The following LEKR1 variants were observed in gnomAD, a reference collection of about 807,000 sequenced individuals.
LEKR1 encodes leucine, glutamate and lysine rich 1.
LEKR1 carries 59 observed loss-of-function variants against 72.4 expected under a neutral mutation model. The ratio of observed to expected loss-of-function variants is 0.82; its 90% CI spans 0.66 to 1.01. LEKR1 has a LOEUF of 1.01. LEKR1 is among the 50% of genes least tolerant of loss of function. LEKR1 has a pLI of 0.00. For synonymous variants in LEKR1, 257 were observed against 263.2 expected (o/e 0.98, Z 0.23); for missense variants, 728 against 759.2 (o/e 0.96, Z 0.48).
At position 156,945,125 on chromosome 3, in the gene LEKR1, T is replaced by G. The variant is rs147082950; in HGVS notation, c.745+2411T>G. Among the ~76,000 whole-genome samples the G allele has an allele frequency of 3.9e-3, 592 of 152,018 alleles. 2 individuals carry two copies. Among genetic ancestry groups the G allele is most frequent in the African/African-American group, 0.014 (578 of 41,538 alleles). On this transcript the variant is annotated intron_variant, in intron 6 of 12. Coordinates refer to ENST00000356539, the MANE Select transcript of LEKR1 (RefSeq NM_001004316.3). Reference sequence around the variant, plus strand: ...AAAAACCATTTTAACTGAGGTGAGATTATATCTCAGTATAGTTTTGATTTG... The same window carrying G: ...AAAAACCATTTTAACTGAGGTGAGAGTATATCTCAGTATAGTTTTGATTTG...
intron 6 of LEKR1, among the ~76,000 whole-genome samples, chr3:156,964,488 A>G (rs935102013): frequency 3.3e-5 from 5 of 152,110 alleles, no homozygotes; most frequent in Non-Finnish European, 7.3e-5. Flanking sequence ...ACTGTAAAAC[A>G]TATTTGTGTT....
chr3:156,952,534 T>C (rs527291392), intron 6 of LEKR1, among the ~76,000 whole-genome samples: 1 of 151,408 alleles, frequency 6.6e-6, no homozygotes, highest in Non-Finnish European at 1.5e-5. Flanking sequence ...GGTAGTGATT[T>C]TCATGTATCA....
chr3:156,832,014 T>A (rs1395756774), intron 2 of LEKR1, among the ~76,000 whole-genome samples: 1 of 152,228 alleles, frequency 6.6e-6, no homozygotes, highest in Non-Finnish European at 1.5e-5. Flanking sequence ...CCACTGTAAC[T>A]TCTTCCTGCT....
At chr3:156,990,184 AT>A (rs1321545602) in intron 7 of LEKR1, among the ~76,000 whole-genome samples, 1 of 152,172 alleles carries the variant, frequency 6.6e-6, no homozygotes. Flanking sequence ...AAAATTCTTC[AT>A]TTTTATTGGT....
intron 7 of LEKR1, among the ~76,000 whole-genome samples, chr3:156,980,895 G>C (rs1730141367): frequency 6.6e-6 from 1 of 152,170 alleles, no homozygotes. Flanking sequence ...AGAATAAGTT[G>C]GCACAGAATT....
chr3:156,986,657 TC>T, intron 7 of LEKR1, among the ~76,000 whole-genome samples: 1 of 152,270 alleles, frequency 6.6e-6, no homozygotes, highest in South Asian at 2.1e-4. Context: ...GGGGTTCAAA[TC>T]CCAGCACTAC....
intron 3 of LEKR1, among the ~76,000 whole-genome samples, chr3:156,898,634 G>A (rs954132986): frequency 2.0e-5 from 3 of 152,006 alleles, no homozygotes; most frequent in African/African-American, 7.3e-5. Context: ...GGACTAAGGT[G>A]CATAATAAAA....
chr3:157,034,607 A>C (rs1026530951), intron 12 of LEKR1, among the ~76,000 whole-genome samples: 1 of 152,206 alleles, frequency 6.6e-6, no homozygotes, highest in Non-Finnish European at 1.5e-5. Flanking sequence ...TGCTGCAAAA[A>C]ATATTGAAAT....
intron 5 of LEKR1, among the ~76,000 whole-genome samples, chr3:156,936,529 C>G (rs1343333245): frequency 2.6e-5 from 4 of 151,376 alleles, no homozygotes; most frequent in African/African-American, 9.7e-5. Flanking sequence ...CTTTTTTATT[C>G]TAAAGTCTAT....
chr3:156,957,414 T>A (rs912871652), intron 6 of LEKR1, among the ~76,000 whole-genome samples: 1 of 151,866 alleles, frequency 6.6e-6, no homozygotes, highest in Non-Finnish European at 1.5e-5. Context: ...AAGGAGTAAT[T>A]TTTTTTCTCT....
chr3:156,995,394 C>T (rs966977288), intron 9 of LEKR1, among the ~76,000 whole-genome samples: 1 of 152,164 alleles, frequency 6.6e-6, no homozygotes, highest in African/African-American at 2.4e-5. Flanking sequence ...GACCTAACTC[C>T]TATTCTTCTT....
chr3:156,844,887 T>C (rs1714389026), intron 2 of LEKR1, among the ~76,000 whole-genome samples: 1 of 147,808 alleles, frequency 6.8e-6, no homozygotes, highest in Non-Finnish European at 1.5e-5. Flanking sequence ...TCAATTGCTA[T>C]GTTATATAGT....
At chr3:156,852,065 G>A (rs1294386770) in intron 2 of LEKR1, 1 of 152,130 alleles carries the variant, frequency 6.6e-6, no homozygotes, top group Non-Finnish European at 1.5e-5. Flanking sequence ...ATATAATACA[G>A]ATGGTTAAAG....
At chr3:156,860,935 G>A (rs905889374) in intron 3 of LEKR1, among the ~76,000 whole-genome samples, 7 of 152,052 alleles carry the variant, frequency 4.6e-5, no homozygotes, top group Admixed American at 2.6e-4. Context: ...TTAATTTCTA[G>A]GCAGGAATAT....
chr3:156,852,417 T>C (rs993209807), intron 2 of LEKR1, among the ~76,000 whole-genome samples: 1 of 152,184 alleles, frequency 6.6e-6, no homozygotes. Flanking sequence ...AACAGTGATT[T>C]CCTCCCACTT....
At chr3:157,008,345 T>C (rs1732626578) in intron 9 of LEKR1, among the ~76,000 whole-genome samples, 1 of 152,198 alleles carries the variant, frequency 6.6e-6, no homozygotes, top group Non-Finnish European at 1.5e-5. Context: ...TTCAATTCTC[T>C]TTCTTCCACA....
At chr3:156,913,480 G>A (rs1723305981) in intron 3 of LEKR1, among the ~76,000 whole-genome samples, 1 of 152,058 alleles carries the variant, frequency 6.6e-6, no homozygotes, top group African/African-American at 2.4e-5. Flanking sequence ...TTTTAAAGGT[G>A]TATTTAGGCT....
rs1443363948 is a variant in LEKR1, at chr3:156,852,881, T to C, written c.162T>C (p.Tyr54=). 7.2e-6 allele frequency: 11 copies of C among 1,534,884 alleles called. No individual in the cohort carries two copies. Among genetic ancestry groups the C allele is most frequent in the Non-Finnish European group, 9.6e-6 (11 of 1,145,158 alleles). The stretch of plus-strand genomic sequence containing the variant: ...CAATGGAAAAAGAGATGAAATTTTA[T>C]CAAGGAAGTGTAGATCGTGAAAAGA... ...VKAMEKEMKF[Y]QGSVDREKRL... The change falls in exon 3 of 13, where the codon TAT becomes TAC. Residue 54 remains tyrosine (Y), a synonymous_variant. Coordinates refer to ENST00000356539, the MANE Select transcript of LEKR1 (RefSeq NM_001004316.3).
In LEKR1 at chr3:156,837,774, C is replaced by G. The variant is rs1162155681; in HGVS notation, c.48+8397C>G. On this transcript the variant is annotated intron_variant, in intron 2 of 12. Coordinates refer to ENST00000356539, the MANE Select transcript of LEKR1 (RefSeq NM_001004316.3). ...GACAGTGATTTTTACCATCAGTTTGCGCAGAAAGGGGCCAGAAGCCTGGCT... is the reference window on the plus strand; with the variant it reads ...GACAGTGATTTTTACCATCAGTTTGGGCAGAAAGGGGCCAGAAGCCTGGCT... 2.0e-5 allele frequency among the ~76,000 whole-genome samples: 3 copies of G among 152,272 alleles called. No homozygotes were observed. In the South Asian group the frequency reaches 6.2e-4, roughly 32 times the overall value.
Sources: allele counts gnomAD v4.1 joint callset (sites outside exome capture counted in the v4.1 genomes callset), GRCh38; gene constraint gnomAD v4.1.1; transcripts MANE v1.5; gene names NCBI Gene and HGNC (gene_info 2026-07-23, HGNC 2026-07-21).